Variants in VPS13A observed in about 807,000 individuals in gnomAD.
VPS13A encodes the protein vacuolar protein sorting 13 homolog A.
Under a neutral mutation model 390.9 loss-of-function variants are expected in VPS13A, and 264 were observed. That is an observed-to-expected ratio of 0.68 (90% CI 0.61 to 0.75). VPS13A has a LOEUF of 0.75. Among genes scored for constraint, VPS13A ranks in the 30% least tolerant of loss-of-function variants. VPS13A has a pLI of 0.00. For missense variants in VPS13A, 3,409 were observed against 3,733.9 expected (o/e 0.91, Z 2.27); for synonymous variants, 1,231 against 1,227.1 (o/e 1.00, Z -0.07).
At chr9:77,370,853 A>T (rs771257462) in intron 65 of VPS13A, 37 bp from the exon 66 acceptor site, 1 of 1,611,968 alleles carries the variant, frequency 6.2e-7, no homozygotes, top group Non-Finnish European at 8.5e-7. Flanking sequence ...GCATCATAAA[A>T]AAGTATTGTA....
chr9:77,311,224 C>G (rs1178622502), intron 35 of VPS13A, among the ~76,000 whole-genome samples: 1 of 151,992 alleles, frequency 6.6e-6, no homozygotes, highest in East Asian at 1.9e-4. Flanking sequence ...ATGCCTGGCC[C>G]ACTTTCACTA....
intron 17 of VPS13A, among the ~76,000 whole-genome samples, chr9:77,233,533 A>G (rs953962018): frequency 1.1e-4 from 16 of 151,984 alleles, no homozygotes; most frequent in African/African-American, 3.9e-4. Context: ...TAATGTAGGC[A>G]TTTGCAAACA....
In VPS13A at chr9:77,403,420, A is replaced by G. The variant is rs577890941; in HGVS notation, c.9275+99A>G. ...TATTCACCTTTTGTTCCATATAGTC[A>G]CACTGATTCTTGGGTCTTCTTGCTC... is the stretch of plus-strand genomic sequence containing the variant. On this transcript the variant is annotated intron_variant, in intron 69 of 71. Transcript: ENST00000360280. 8.1e-6 allele frequency: 8 copies of G among 988,242 alleles called. No homozygotes were observed. The East Asian group carries it at 1.7e-4, about 22-fold the overall frequency. The allele number at this position is 988,242 out of a possible 1,614,324, so 61.2% of individuals were successfully genotyped here.
chr9:77,307,735 A>G (rs1457007861), intron 34 of VPS13A, among the ~76,000 whole-genome samples: 1 of 152,196 alleles, frequency 6.6e-6, no homozygotes, highest in Non-Finnish European at 1.5e-5. Flanking sequence ...CTTCATTGGT[A>G]TTAACACCTA....
At chr9:77,326,676 C>G (rs1006825209) in intron 45 of VPS13A, among the ~76,000 whole-genome samples, 13 of 151,970 alleles carry the variant, frequency 8.6e-5, no homozygotes, top group African/African-American at 3.1e-4. Flanking sequence ...CCTTGTCTAC[C>G]AATTCTATTA....
chr9:77,249,838 A>G (rs1219313430), intron 20 of VPS13A, among the ~76,000 whole-genome samples: 2 of 152,202 alleles, frequency 1.3e-5, no homozygotes, highest in Admixed American at 6.5e-5. Context: ...ATTTGTAGAC[A>G]TATTATTCTT....
At chr9:77,413,311 G>A (rs1298058268) in intron 71 of VPS13A, among the ~76,000 whole-genome samples, 1 of 152,156 alleles carries the variant, frequency 6.6e-6, no homozygotes, top group Non-Finnish European at 1.5e-5. Flanking sequence ...GAACAAAGTT[G>A]GAGGCATCAC....
chr9:77,367,966 G>T (rs1832528270), intron 61 of VPS13A, 89 bp from the exon 62 acceptor site: 10 of 1,226,562 alleles, frequency 8.2e-6, no homozygotes, highest in African/African-American at 1.5e-5. Context: ...TTGGAGAAAA[G>T]ATTCTAAAGA....
intron 60 of VPS13A, among the ~76,000 whole-genome samples, chr9:77,365,937 T>C (rs1037569737): frequency 6.6e-6 from 1 of 152,128 alleles, no homozygotes; most frequent in Non-Finnish European, 1.5e-5. Flanking sequence ...AGTTAGTTTT[T>C]AGTGCAAAAT....
At chr9:77,246,557 C>G (rs1453880080) in intron 19 of VPS13A, among the ~76,000 whole-genome samples, 1 of 152,032 alleles carries the variant, frequency 6.6e-6, no homozygotes, top group Non-Finnish European at 1.5e-5. Context: ...TTCATTTACT[C>G]TAACTGATTT....
intron 67 of VPS13A, among the ~76,000 whole-genome samples, chr9:77,376,853 C>G (rs1435397071): frequency 6.6e-6 from 1 of 151,980 alleles, no homozygotes; most frequent in African/African-American, 2.4e-5. Flanking sequence ...AAAATAAGGT[C>G]CAAGGACTTG....
At chr9:77,196,097 T>C (rs1260610874) in intron 1 of VPS13A, among the ~76,000 whole-genome samples, 1 of 152,214 alleles carries the variant, frequency 6.6e-6, no homozygotes, top group Non-Finnish European at 1.5e-5. Context: ...ATTTGTTCAT[T>C]GTTCTGTTTC....
chr9:77,244,945 C>G (rs987960855), intron 19 of VPS13A, among the ~76,000 whole-genome samples: 1 of 151,910 alleles, frequency 6.6e-6, no homozygotes, highest in Non-Finnish European at 1.5e-5. Flanking sequence ...AGGTGATGGT[C>G]CACTGTGAAG....
chr9:77,404,135 T>G (rs1028115483), intron 69 of VPS13A, among the ~76,000 whole-genome samples: 1 of 152,170 alleles, frequency 6.6e-6, no homozygotes, highest in Non-Finnish European at 1.5e-5. Flanking sequence ...TATTAGAAGT[T>G]ATACCTGTAA....
intron 68 of VPS13A, 34 bp downstream of exon 68, chr9:77,382,121 A>G (rs1563978942): frequency 3.2e-6 from 5 of 1,549,704 alleles, no homozygotes; most frequent in African/African-American, 1.4e-5. Flanking sequence ...ATTAAGATTA[A>G]TTTAGTCAAG....
intron 5 of VPS13A, among the ~76,000 whole-genome samples, chr9:77,207,245 A>ATGTG (rs1564630436): frequency 8.9e-6 from 1 of 112,872 alleles, no homozygotes; most frequent in Non-Finnish European, 1.9e-5. Context: ...ATATATATAT[A>ATGTG]TATATATAAA....
At chr9:77,351,272 G>A (rs764434006) in intron 52 of VPS13A, 45 bp from the exon 53 acceptor site, 13 of 1,602,946 alleles carry the variant, frequency 8.1e-6, no homozygotes, top group African/African-American at 1.3e-5. Flanking sequence ...TAATCTCTTC[G>A]TGTACTTGCA....
chr9:77,376,468 T>A (rs1233969066), intron 67 of VPS13A, among the ~76,000 whole-genome samples: 1 of 152,166 alleles, frequency 6.6e-6, no homozygotes, highest in Non-Finnish European at 1.5e-5. Flanking sequence ...ATTCGACTAT[T>A]AGAGTACTAG....
intron 20 of VPS13A, among the ~76,000 whole-genome samples, chr9:77,248,698 G>A (rs1824974232): frequency 6.6e-6 from 1 of 152,054 alleles, no homozygotes; most frequent in Admixed American, 6.6e-5. Context: ...ACATTTAAGA[G>A]TTTAATAGTC....
Sources: gnomAD v4.1 joint callset for allele counts (sites outside exome capture counted in the v4.1 genomes callset) on GRCh38, gnomAD v4.1.1 for gene constraint, MANE v1.5 for transcripts, NCBI Gene and HGNC (gene_info 2026-07-23, HGNC 2026-07-21) for gene names.